The following IRAK1BP1 variants were observed in gnomAD, a reference collection of about 807,000 sequenced individuals.
The protein encoded by IRAK1BP1 is interleukin-1 receptor-associated kinase 1-binding protein 1.
In IRAK1BP1, 24 loss-of-function variants were observed where a neutral mutation model predicts 28.0. The ratio of observed to expected loss-of-function variants is 0.86; its 90% CI spans 0.62 to 1.20. The LOEUF (loss-of-function observed/expected upper bound fraction) is 1.20. IRAK1BP1 is among the 50% of genes most tolerant of loss of function. IRAK1BP1 has a pLI of 0.00. For synonymous variants in IRAK1BP1, 131 were observed against 116.3 expected, an observed-to-expected ratio of 1.13 and a Z score of -0.81; for missense variants, 336 against 316.7, an observed-to-expected ratio of 1.06 and a Z score of -0.46.
At chr6:78,926,546 A>T (rs1209669298) in intron 4 of IRAK1BP1, among the ~76,000 whole-genome samples, 1 of 152,270 alleles carries the variant, frequency 6.6e-6, no homozygotes, top group East Asian at 1.9e-4. Context: ...TGTGTCACAA[A>T]TTATCCAAGT....
chr6:78,923,567 C>T (rs1408106219), intron 4 of IRAK1BP1, among the ~76,000 whole-genome samples: 1 of 152,142 alleles, frequency 6.6e-6, no homozygotes, highest in Non-Finnish European at 1.5e-5. Flanking sequence ...ACCAAGCAGA[C>T]CTAATAGACA....
At chr6:78,871,094 C>A (rs1581986433) in intron 1 of IRAK1BP1, among the ~76,000 whole-genome samples, 1 of 152,066 alleles carries the variant, frequency 6.6e-6, no homozygotes, top group Non-Finnish European at 1.5e-5. Context: ...TTATAAACAA[C>A]AGAAATGTGT....
chr6:78,968,217 C>G, the IRAK1BP1 span, among the ~76,000 whole-genome samples: 1 of 152,216 alleles, frequency 6.6e-6, no homozygotes, highest in East Asian at 1.9e-4. Context: ...AGGCTGATAG[C>G]CAAAACCAAG....
chr6:78,965,339 C>T, the IRAK1BP1 span, among the ~76,000 whole-genome samples: 24 of 152,124 alleles, frequency 1.6e-4, no homozygotes, highest in African/African-American at 5.8e-4. Context: ...GAACTGATGT[C>T]CGTCTCACTC....
chr6:78,959,496 TA>T, the IRAK1BP1 span, among the ~76,000 whole-genome samples: 644 of 152,210 alleles, frequency 4.2e-3, 3 homozygotes, highest in African/African-American at 0.015. Flanking sequence ...AGTAATAGTT[TA>T]ACAAGAGATT....
Position 78,903,082 on chromosome 6 carries a change from TGAAC to T in IRAK1BP1, c.*4749_*4752del, listed in dbSNP as rs1582029518. The T allele has an allele frequency of 6.6e-7, 1 of 1,521,364 alleles. No homozygotes were observed. 94.2% of individuals were successfully genotyped at this position (1,521,364 alleles called of 1,614,324 possible). On this transcript the variant is annotated 3_prime_UTR_variant, in exon 4 of 4. Transcript: ENST00000369940. ...GAATTATCATGAATCCCACATCAAATGAACAAATACTGCCTCTGGACTCTGAATG... is the reference window on the plus strand; with the variant it reads ...GAATTATCATGAATCCCACATCAAATAAATACTGCCTCTGGACTCTGAATG...
intron 4 of IRAK1BP1, chr6:78,941,369 C>CT (rs764959677): frequency 6.6e-6 from 10 of 1,513,962 alleles, no homozygotes; most frequent in Non-Finnish European, 8.0e-6. Context: ...TATGGAGTTT[C>CT]TTTTTTTGTT....
At chr6:78,955,822 A>C in the IRAK1BP1 span, 2 of 460,364 alleles carry the variant, frequency 4.3e-6, no homozygotes, top group Non-Finnish European at 3.9e-6. Flanking sequence ...TACTCCAATA[A>C]TTTATGCACA....
intron 2 of IRAK1BP1, among the ~76,000 whole-genome samples, chr6:78,890,402 T>A (rs1771603757): frequency 7.4e-6 from 1 of 134,298 alleles, no homozygotes; most frequent in Non-Finnish European, 1.6e-5. Context: ...TCCCAGAACT[T>A]AAAGTATAAG....
chr6:78,874,820 G>T (rs1770937571), intron 1 of IRAK1BP1, among the ~76,000 whole-genome samples: 2 of 152,012 alleles, frequency 1.3e-5, no homozygotes, highest in Admixed American at 1.3e-4. Context: ...TACTCTTCTA[G>T]ACATTGACCT....
At chr6:78,971,627 T>A in the IRAK1BP1 span, among the ~76,000 whole-genome samples, 32 of 152,028 alleles carry the variant, frequency 2.1e-4, no homozygotes, top group African/African-American at 7.2e-4. Flanking sequence ...CGGGTTCATC[T>A]CACTAGGGAG....
intron 1 of IRAK1BP1, among the ~76,000 whole-genome samples, chr6:78,878,702 C>T (rs146695067): frequency 1.4e-4 from 22 of 152,216 alleles, no homozygotes; most frequent in African/African-American, 3.4e-4. Context: ...CAAACTTCTC[C>T]GACCTAAAAG....
At chr6:78,971,695 G>A in the IRAK1BP1 span, among the ~76,000 whole-genome samples, 1 of 152,146 alleles carries the variant, frequency 6.6e-6, no homozygotes, top group Non-Finnish European at 1.5e-5. Flanking sequence ...CCGAAGTAGG[G>A]TGAGGCATTG....
intron 4 of IRAK1BP1, chr6:78,940,775 G>A (rs1773460740): frequency 2.5e-6 from 4 of 1,613,568 alleles, no homozygotes; most frequent in East Asian, 2.2e-5. Context: ...AGTTAAAGAG[G>A]TGTCTTCGAA....
At chr6:78,958,599 G>A in the IRAK1BP1 span, 2 of 1,551,288 alleles carry the variant, frequency 1.3e-6, no homozygotes, top group Non-Finnish European at 1.8e-6. Flanking sequence ...GAAGAAACCC[G>A]CCTTAAAAAA....
At chr6:78,946,941 G>A (rs150566066), downstream of IRAK1BP1, 5,954 of 863,642 alleles carry the variant, frequency 6.9e-3, 53 homozygotes, top group Non-Finnish European at 7.4e-3. Context: ...AGTAAATACT[G>A]TAATGTAAAT....
At chr6:78,940,931 C>G in intron 4 of IRAK1BP1, 1 of 1,613,672 alleles carries the variant, frequency 6.2e-7, no homozygotes, top group Non-Finnish European at 8.5e-7. Flanking sequence ...TATCTTTTTT[C>G]GGTTACTTCT....
chr6:78,879,446 G>A (rs1166932071), intron 1 of IRAK1BP1, among the ~76,000 whole-genome samples: 3 of 152,176 alleles, frequency 2.0e-5, no homozygotes, highest in Non-Finnish European at 2.9e-5. Flanking sequence ...AACAATAGAA[G>A]TGTAGAAGCA....
At chr6:78,961,462 T>G in the IRAK1BP1 span, among the ~76,000 whole-genome samples, 1 of 152,114 alleles carries the variant, frequency 6.6e-6, no homozygotes, top group Admixed American at 6.6e-5. Flanking sequence ...AATTGTATTT[T>G]AAGTGTCTAA....
Sources: gnomAD v4.1 joint callset for allele counts (sites outside exome capture counted in the v4.1 genomes callset) on GRCh38, gnomAD v4.1.1 for gene constraint, MANE v1.5 for transcripts, NCBI Gene and HGNC (gene_info 2026-07-23, HGNC 2026-07-21) for gene names.